GCNT1: variants seen among roughly 807,000 people sequenced by gnomAD.
The protein encoded by GCNT1 is beta-1,3-galactosyl-O-glycosyl-glycoprotein beta-1,6-N-acetylglucosaminyltransferase.
Under a neutral mutation model 26.2 loss-of-function variants are expected in GCNT1, and 16 were observed. The ratio of observed to expected loss-of-function variants is 0.61; its 90% confidence interval spans 0.41 to 0.93. The LOEUF is 0.93. GCNT1 is among the 40% of genes least tolerant of loss of function. The pLI is 0.00. For missense variants in GCNT1, 477 were observed against 526.7 expected, an observed-to-expected ratio of 0.91 and a Z score of 0.92; for synonymous variants, 183 against 190.8, an observed-to-expected ratio of 0.96 and a Z score of 0.34.
intron 2 of GCNT1, among the ~76,000 whole-genome samples, chr9:76,483,140 G>A (rs571940634): frequency 6.6e-6 from 1 of 151,884 alleles, no homozygotes; most frequent in Admixed American, 6.6e-5. Context: ...TGTGTTTAAG[G>A]GAAAGACATT....
chr9:76,472,749 CTTTTTTT>C (rs869071794), intron 2 of GCNT1, among the ~76,000 whole-genome samples: 1 of 31,422 alleles, frequency 3.2e-5, no homozygotes, highest in East Asian at 5.2e-4. Context: ...CTTTTCTTTT[CTTTTTTT>C]TTTTTTTTTT....
upstream of GCNT1, among the ~76,000 whole-genome samples, chr9:76,416,811 C>T (rs924503812): frequency 1.3e-5 from 2 of 152,190 alleles, no homozygotes; most frequent in Non-Finnish European, 2.9e-5. Context: ...GTCATCCCAG[C>T]GCTTTGAGAG....
At chr9:76,453,852 G>A (rs1302371059) in intron 1 of GCNT1, among the ~76,000 whole-genome samples, 1 of 152,162 alleles carries the variant, frequency 6.6e-6, no homozygotes, top group Non-Finnish European at 1.5e-5. Flanking sequence ...GTCCCTAGGT[G>A]AGTTCCAGTC....
the GCNT1 span, among the ~76,000 whole-genome samples, chr9:76,412,423 T>C: frequency 6.6e-6 from 1 of 152,232 alleles, no homozygotes; most frequent in East Asian, 1.9e-4. Flanking sequence ...GTGAAGAATT[T>C]CCTTAATATT....
intron 1 of GCNT1, among the ~76,000 whole-genome samples, chr9:76,426,115 G>A (rs1451692913): frequency 6.6e-6 from 1 of 152,144 alleles, no homozygotes; most frequent in African/African-American, 2.4e-5. Context: ...GCAGGAAGGA[G>A]GTTTGTTTTG....
the GCNT1 span, among the ~76,000 whole-genome samples, chr9:76,395,199 T>C: frequency 1.3e-5 from 2 of 152,200 alleles, no homozygotes; most frequent in African/African-American, 4.8e-5. Context: ...AGCTCTGGGC[T>C]CACTCACAGG....
At chr9:76,485,950 C>G (rs1039913433) in intron 2 of GCNT1, among the ~76,000 whole-genome samples, 1 of 151,948 alleles carries the variant, frequency 6.6e-6, no homozygotes, top group Non-Finnish European at 1.5e-5. Context: ...CCAGGCTGGC[C>G]TGAACTCCAG....
At position 76,503,809 on chromosome 9, in the gene GCNT1, G is replaced by C. The variant is rs1193391045; in HGVS notation, c.*141G>C. 2.1e-5 allele frequency: 14 copies of C among 681,966 alleles called. No homozygotes were observed. The highest frequency in any genetic ancestry group is 3.4e-5 in the Non-Finnish European group (13 of 383,460). The allele number at this position is 681,966 out of a possible 1,614,324, so 42.2% of individuals were successfully genotyped here. A position where few individuals can be genotyped will look rare whatever the true frequency, so the allele number is the denominator to read the frequency against. On this transcript the variant is annotated 3_prime_UTR_variant, in exon 4 of 4. Coordinates refer to ENST00000376730, the MANE Select transcript of GCNT1 (RefSeq NM_001490.5). ...TCTAGTAGATCTTCTTGTCAGAGAA[G>C]CTGCATGGTTTCTGCAGAGCACAGT...
the GCNT1 span, among the ~76,000 whole-genome samples, chr9:76,397,110 G>A: frequency 6.6e-6 from 1 of 152,054 alleles, no homozygotes; most frequent in African/African-American, 2.4e-5. Flanking sequence ...GGCAAAACTC[G>A]GTCTCTACTA....
At chr9:76,487,876 A>G (rs1206956294) in intron 2 of GCNT1, among the ~76,000 whole-genome samples, 2 of 152,170 alleles carry the variant, frequency 1.3e-5, no homozygotes, top group Non-Finnish European at 2.9e-5. Context: ...CTGGGACTAC[A>G]GGTGCACACC....
chr9:76,492,670 G>A (rs1824778042), intron 2 of GCNT1, among the ~76,000 whole-genome samples: 1 of 150,420 alleles, frequency 6.6e-6, no homozygotes, highest in Non-Finnish European at 1.5e-5. Flanking sequence ...GCGGCATAGT[G>A]GACACAGATG....
intron 1 of GCNT1, among the ~76,000 whole-genome samples, chr9:76,448,586 T>A (rs774532284): frequency 3.9e-5 from 6 of 152,284 alleles, no homozygotes; most frequent in Admixed American, 6.5e-5. Flanking sequence ...ATAAAGAACA[T>A]TTCTATCACC....
chr9:76,462,016 G>T (rs1823881398), intron 2 of GCNT1, among the ~76,000 whole-genome samples: 1 of 152,218 alleles, frequency 6.6e-6, no homozygotes. Context: ...ATTCTGAACT[G>T]TGATGTAGAT....
intron 3 of GCNT1, chr9:76,501,853 A>G (rs1317753057): frequency 6.6e-6 from 1 of 152,222 alleles, no homozygotes; most frequent in African/African-American, 2.4e-5. Flanking sequence ...ACAGTGTCAG[A>G]AACTCATCAA....
At chr9:76,477,200 C>A (rs1824272324) in intron 2 of GCNT1, among the ~76,000 whole-genome samples, 1 of 151,898 alleles carries the variant, frequency 6.6e-6, no homozygotes, top group African/African-American at 2.4e-5. Flanking sequence ...CAGGCACGAG[C>A]CACTGCGCCC....
the GCNT1 span, among the ~76,000 whole-genome samples, chr9:76,411,001 A>T: frequency 1.3e-5 from 2 of 152,220 alleles, no homozygotes; most frequent in Non-Finnish European, 2.9e-5. Flanking sequence ...AAATAAATAT[A>T]GCTGCTCCCA....
chr9:76,426,236 G>C lies in GCNT1; in HGVS notation n.38+6349G>C, dbSNP rs144161920. 2.6e-3 allele frequency among the ~76,000 whole-genome samples: 399 copies of C among 152,296 alleles called. 1 individual carries two copies. Among genetic ancestry groups the C allele is most frequent in the African/African-American group, 9.3e-3 (385 of 41,562 alleles). Reference sequence around the variant, plus strand: ...AACAAGGACAGCTTGGAGGTTAAAAGGAAGATGGAGTTGGTCAGGTCAGAT... The same window carrying C: ...AACAAGGACAGCTTGGAGGTTAAAACGAAGATGGAGTTGGTCAGGTCAGAT... On this transcript the variant is annotated intron_variant and non_coding_transcript_variant, in intron 1 of 3. Coordinates refer to the GCNT1 transcript ENST00000488136.
chr9:76,418,935 C>T (rs554560762), upstream of GCNT1, among the ~76,000 whole-genome samples: 1 of 152,206 alleles, frequency 6.6e-6, no homozygotes, highest in East Asian at 1.9e-4. Flanking sequence ...TTTGTGGGTC[C>T]AGTCTTAAAG....
chr9:76,472,904 A>G (rs925897392), intron 2 of GCNT1, among the ~76,000 whole-genome samples: 3 of 151,984 alleles, frequency 2.0e-5, no homozygotes, highest in Middle Eastern at 3.4e-3. Flanking sequence ...GCCTGCCACC[A>G]TGGCTGGCTA....
Sources: allele counts gnomAD v4.1 joint callset (sites outside exome capture counted in the v4.1 genomes callset), GRCh38; gene constraint gnomAD v4.1.1; transcripts MANE v1.5; gene names NCBI Gene and HGNC (gene_info 2026-07-23, HGNC 2026-07-21).